Variants in NOCT observed in about 807,000 individuals in gnomAD.
The protein encoded by NOCT is CCR4 carbon catabolite repression 4-like.
Under a neutral mutation model 35.0 loss-of-function variants are expected in NOCT, and 18 were observed. That is an observed-to-expected ratio of 0.51 (90% CI 0.36 to 0.76). The LOEUF (loss-of-function observed/expected upper bound fraction) is 0.76, where lower values mean the gene tolerates loss of function less well. NOCT is among the 30% of genes least tolerant of loss of function. NOCT has a pLI of 0.01. For synonymous variants in NOCT, 235 were observed against 226.3 expected, an observed-to-expected ratio of 1.04 and a Z score of -0.34; for missense variants, 479 against 541.0, an observed-to-expected ratio of 0.89 and a Z score of 1.14.
chr4:139,036,308 T>C (rs1726738088), intron 1 of NOCT, among the ~76,000 whole-genome samples: 1 of 152,150 alleles, frequency 6.6e-6, no homozygotes, highest in African/African-American at 2.4e-5. Flanking sequence ...TTGCCCAGGC[T>C]GGCCTCAAAC....
rs761261263 is a variant in NOCT, at chr4:139,044,987, C to T, written c.809C>T (p.Thr270Ile). 5 of 1,614,038 alleles carry T rather than the reference C, an allele frequency of 3.1e-6. No individual in the cohort carries two copies. The highest frequency in any genetic ancestry group is 2.7e-5 in the African/African-American group (2 of 74,934). Residue 270 changes from threonine (T) to isoleucine (I), a missense_variant, in exon 3 of 3, where the codon ACC becomes ATC. Physicochemically the swap from Thr to Ile is moderately conservative, Grantham distance 89. Transcript: ENST00000280614. Reference protein sequence around the residue: ...LKTNQVAIAQTLECKESGRQF... With the variant: ...LKTNQVAIAQILECKESGRQF... ...ACCAACCAGGTGGCCATTGCACAGA[C>T]CCTGGAGTGCAAGGAGTCAGGCCGA...
chr4:139,021,410 G>C (rs893612998), intron 1 of NOCT, among the ~76,000 whole-genome samples: 5 of 152,114 alleles, frequency 3.3e-5, no homozygotes, highest in Non-Finnish European at 1.5e-5. Flanking sequence ...CCTGAGGTCG[G>C]GAGTTCGAGA....
intron 1 of NOCT, among the ~76,000 whole-genome samples, chr4:139,016,638 GTTGTTTTTT>G (rs1726310709): frequency 2.0e-5 from 1 of 50,822 alleles, no homozygotes; most frequent in Non-Finnish European, 4.0e-5. Flanking sequence ...TTCGTTTTAC[GTTGTTTTTT>G]TTTTTTTTTT....
At chr4:139,039,639 CT>C (rs1726799227) in intron 1 of NOCT, among the ~76,000 whole-genome samples, 2 of 151,348 alleles carry the variant, frequency 1.3e-5, no homozygotes, top group East Asian at 3.9e-4. Flanking sequence ...TTTCTCATTT[CT>C]TTTTAATTTT....
intron 1 of NOCT, among the ~76,000 whole-genome samples, chr4:139,023,605 C>T (rs112699989): frequency 0.18 from 27,979 of 152,102 alleles, 2,827 homozygotes; most frequent in South Asian, 0.32. Flanking sequence ...AAGCGATTCT[C>T]CTGCCTCAGC....
intron 1 of NOCT, among the ~76,000 whole-genome samples, chr4:139,026,081 TC>T (rs975678972): frequency 1.3e-5 from 2 of 152,140 alleles, no homozygotes; most frequent in African/African-American, 4.8e-5. Flanking sequence ...ATAGCTGCCT[TC>T]CAAATGGACT....
At chr4:139,020,001 T>C (rs1457358744) in intron 1 of NOCT, among the ~76,000 whole-genome samples, 1 of 152,248 alleles carries the variant, frequency 6.6e-6, no homozygotes, top group Non-Finnish European at 1.5e-5. Context: ...GTCCTTTAAC[T>C]ATGTGAGTAA....
Position 139,015,828 on chromosome 4 carries a change from GC to G in NOCT, c.-151del. The G allele has an allele frequency of 1.9e-6, 1 of 537,854 alleles. No individual in the cohort carries two copies. Among genetic ancestry groups the G allele is most frequent in the Non-Finnish European group, 2.7e-6 (1 of 364,006 alleles). 33.3% of individuals were successfully genotyped at this position (537,854 alleles called of 1,614,324 possible). On this transcript the variant is annotated 5_prime_UTR_variant, in exon 1 of 3. Transcript: ENST00000280614. ...TTGCACCTCCCTCTCCGGCTCTGCTGCCCGGGATTTCCCCAGAACCTGCGCC... is the reference window on the plus strand; with the variant it reads ...TTGCACCTCCCTCTCCGGCTCTGCTGCCGGGATTTCCCCAGAACCTGCGCC...
At chr4:139,025,184 G>A (rs1726489663) in intron 1 of NOCT, among the ~76,000 whole-genome samples, 1 of 152,110 alleles carries the variant, frequency 6.6e-6, no homozygotes, top group African/African-American at 2.4e-5. Flanking sequence ...TTGGTTCTAT[G>A]GAGCAACCAA....
intron 1 of NOCT, among the ~76,000 whole-genome samples, chr4:139,016,680 G>GTC (rs1340951031): frequency 1.0e-5 from 1 of 99,756 alleles, no homozygotes; most frequent in Non-Finnish European, 1.8e-5. Context: ...TTGAGATGGA[G>GTC]TCTCACTGTG....
intron 1 of NOCT, among the ~76,000 whole-genome samples, chr4:139,033,201 C>G (rs545599938): frequency 6.6e-6 from 1 of 150,662 alleles, no homozygotes; most frequent in South Asian, 2.1e-4. Context: ...CCTGTCTCTA[C>G]TAAACATATA....
intron 1 of NOCT, among the ~76,000 whole-genome samples, chr4:139,036,283 CAG>C (rs1313004550): frequency 2.0e-5 from 3 of 151,946 alleles, no homozygotes; most frequent in African/African-American, 7.3e-5. Flanking sequence ...TCTAGAGAGA[CAG>C]AGTCTTGCTA....
At chr4:139,027,990 G>C (rs1361647891) in intron 1 of NOCT, 1 of 152,104 alleles carries the variant, frequency 6.6e-6, no homozygotes, top group African/African-American at 2.4e-5. Context: ...ATCTAGAGAG[G>C]ACTCTGTACA....
In NOCT at chr4:139,043,232, G is replaced by C. The variant is rs200904457; in HGVS notation, c.349G>C (p.Val117Leu). 6.2e-7 allele frequency: 1 copy of C among 1,614,056 alleles called. No individual in the cohort carries two copies. The highest frequency in any genetic ancestry group is 1.3e-5 in the African/African-American group (1 of 74,932). The change falls in exon 2 of 3, where the codon GTC (valine) becomes CTC (leucine). Residue 117 changes from valine (V) to leucine (L), a missense_variant. Physicochemically the swap from Val to Leu is conservative, Grantham distance 32 (BLOSUM62 1). This residue lies in a region of NOCT where 265 missense variants were observed against 257.0 expected (regional missense o/e 1.03). Transcript: ENST00000280614. ...AGAGCTTCTTGAGGAATGCAGGGCC[G>C]TCCTGCACACCCGACCTCCCCGGTT... ...PKELLEECRA[V>L]LHTRPPRFQR...
rs1347204879 is a variant in NOCT at position 139,015,953 on chromosome 4, G to A, written c.-29G>A. On this transcript the variant is annotated 5_prime_UTR_variant, in exon 1 of 3. Coordinates refer to ENST00000280614, the MANE Select transcript of NOCT (RefSeq NM_012118.4). ...GCCGGGCTCCGCTCCTCGGGCGCGC[G>A]AGGGGCCGTGGTGGCGGCGGCGCCC... 1.5e-6 allele frequency: 2 copies of A among 1,322,440 alleles called. No individual in the cohort carries two copies. Among genetic ancestry groups the A allele is most frequent in the Non-Finnish European group, 1.9e-6 (2 of 1,041,022 alleles). The allele number at this position is 1,322,440 out of a possible 1,614,324, so 81.9% of individuals were successfully genotyped here.
chr4:139,043,246 A>G lies in NOCT; in HGVS notation c.363A>G (p.Arg121=), dbSNP rs376464636. 75 of 1,613,494 alleles carry G rather than the reference A, an allele frequency of 4.6e-5. No homozygotes were observed. Among genetic ancestry groups the G allele is most frequent in the Non-Finnish European group, 6.1e-5 (72 of 1,179,942 alleles). ...LEECRAVLHT[R]PPRFQRDFVD... ...AATGCAGGGCCGTCCTGCACACCCGACCTCCCCGGTTCCAGAGGGATTTTG... is the reference window on the plus strand; with the variant it reads ...AATGCAGGGCCGTCCTGCACACCCGGCCTCCCCGGTTCCAGAGGGATTTTG... Residue 121 remains arginine (R), a synonymous_variant, in exon 2 of 3, where the codon CGA becomes CGG. Transcript: ENST00000280614.
intron 1 of NOCT, among the ~76,000 whole-genome samples, chr4:139,040,304 T>C (rs1016134386): frequency 1.3e-5 from 2 of 151,950 alleles, no homozygotes; most frequent in Non-Finnish European, 2.9e-5. Flanking sequence ...CCTCCCAAAG[T>C]GCTGGGATTA....
chr4:139,034,046 G>C (rs1262979977), intron 1 of NOCT, among the ~76,000 whole-genome samples: 1 of 152,142 alleles, frequency 6.6e-6, no homozygotes, highest in Non-Finnish European at 1.5e-5. Flanking sequence ...TCCTAGGATT[G>C]TGATGAGAAC....
chr4:139,021,927 T>G (rs2148642455), intron 1 of NOCT, among the ~76,000 whole-genome samples: 1 of 152,086 alleles, frequency 6.6e-6, no homozygotes, highest in South Asian at 2.1e-4. Flanking sequence ...CCCGGCTAAT[T>G]TTTTTGTATT....
Sources: gnomAD v4.1 joint callset for allele counts (sites outside exome capture counted in the v4.1 genomes callset) on GRCh38, gnomAD v4.1.1 for gene constraint, gnomAD v4.1.1 regional missense constraint, MANE v1.5 for transcripts, NCBI Gene and HGNC (gene_info 2026-07-23, HGNC 2026-07-21) for gene names.